The following ST18 variants were observed in gnomAD, a reference collection of about 807,000 sequenced individuals.
ST18 encodes suppression of tumorigenicity 18 protein.
In ST18, 50 loss-of-function variants were observed where a neutral mutation model predicts 110.0. The observed-to-expected ratio is 0.45, with a 90% CI of 0.36 to 0.58. The LOEUF (loss-of-function observed/expected upper bound fraction) is 0.58. Ranked by LOEUF, ST18 falls within the 20% of genes least tolerant of loss-of-function variation. ST18 has a pLI of 0.00. For synonymous variants in ST18, 461 were observed against 452.4 expected, an observed-to-expected ratio of 1.02 and a Z score of -0.24; for missense variants, 1,306 against 1,280.1, an observed-to-expected ratio of 1.02 and a Z score of -0.31.
chr8:52,273,967 C>T (rs73679023), intron 2 of ST18, among the ~76,000 whole-genome samples: 5,939 of 152,224 alleles, frequency 0.039, 411 homozygotes, highest in African/African-American at 0.14. Flanking sequence ...ATGAGTTCAG[C>T]AGTTCTGTAA....
At chr8:52,375,217 G>A (rs998556501) in intron 2 of ST18, among the ~76,000 whole-genome samples, 2 of 151,846 alleles carry the variant, frequency 1.3e-5, no homozygotes, top group African/African-American at 4.8e-5. Flanking sequence ...AAACCAAAAT[G>A]ACAAAACAAA....
At chr8:52,381,489 C>T (rs1590478609) in intron 2 of ST18, among the ~76,000 whole-genome samples, 1 of 152,298 alleles carries the variant, frequency 6.6e-6, no homozygotes, top group East Asian at 1.9e-4. Flanking sequence ...TTCATAACTA[C>T]TTAAAAATAT....
intron 2 of ST18, among the ~76,000 whole-genome samples, chr8:52,269,881 TTC>T (rs1397178017): frequency 3.9e-5 from 6 of 152,210 alleles, no homozygotes; most frequent in Non-Finnish European, 8.8e-5. Flanking sequence ...TGCAGAAACA[TTC>T]TCTCTTTCAA....
intron 19 of ST18, among the ~76,000 whole-genome samples, chr8:52,135,582 A>G (rs1209171925): frequency 1.3e-5 from 2 of 150,830 alleles, no homozygotes; most frequent in Non-Finnish European, 3.0e-5. Flanking sequence ...AAAAAAAAAA[A>G]AAAAAAAAAG....
At position 52,132,329 on chromosome 8, in the gene ST18, G is replaced by A. The variant is rs75042291; in HGVS notation, c.2445-150C>T. On this transcript the variant is annotated intron_variant, in intron 21 of 25. Transcript: ENST00000689386. ...ATTGCATAAACAGGCTCAGAGCTAC[G>A]CGATTTTCATGCATTATCTCACTTA... 4.6e-3 allele frequency: 2,978 copies of A among 640,540 alleles called. 10 individuals are homozygous for A. The highest frequency in any genetic ancestry group is 6.2e-3 in the Non-Finnish European group (2,380 of 382,574). 39.7% of individuals were successfully genotyped at this position (640,540 alleles called of 1,614,324 possible).
At chr8:52,256,891 A>C (rs1229464662) in intron 2 of ST18, among the ~76,000 whole-genome samples, 1 of 152,170 alleles carries the variant, frequency 6.6e-6, no homozygotes, top group Non-Finnish European at 1.5e-5. Flanking sequence ...ATTTTAGAAC[A>C]TTTTCATCAT....
At chr8:52,319,251 C>T (rs1231731446) in intron 2 of ST18, among the ~76,000 whole-genome samples, 1 of 152,076 alleles carries the variant, frequency 6.6e-6, no homozygotes, top group Non-Finnish European at 1.5e-5. Flanking sequence ...AAAGAAAATG[C>T]ATTTGCTTTC....
chr8:52,269,338 C>T (rs111950878), intron 2 of ST18, among the ~76,000 whole-genome samples: 20 of 152,276 alleles, frequency 1.3e-4, no homozygotes, highest in East Asian at 1.9e-4. Context: ...CAGGTGTAAC[C>T]GGATGCCCCA....
Position 52,137,472 on chromosome 8 carries a change from G to C in ST18, c.2180C>G (p.Pro727Arg). Residue 727 changes from proline (P) to arginine (R), a missense_variant, in exon 18 of 26, where the codon CCA becomes CGA. Coordinates refer to ENST00000689386, the MANE Select transcript of ST18 (RefSeq NM_001352837.2). ...LKKELITCPT[P>R]GCDGSGHVTG... ...CACGTGGCCACTTCCATCACATCCTGGTGTTGGACAGCTGAGTCAATAGAA... is the reference window on the plus strand; with the variant it reads ...CACGTGGCCACTTCCATCACATCCTCGTGTTGGACAGCTGAGTCAATAGAA... 1 of 1,614,064 alleles carries C rather than the reference G, an allele frequency of 6.2e-7. No homozygotes were observed. The highest frequency in any genetic ancestry group is 8.5e-7 in the Non-Finnish European group (1 of 1,179,992).
chr8:52,398,922 G>T (rs1319017967), intron 2 of ST18, among the ~76,000 whole-genome samples: 2 of 151,950 alleles, frequency 1.3e-5, no homozygotes, highest in African/African-American at 4.8e-5. Context: ...GTCTTTGTCT[G>T]GCTTAGGTAT....
At chr8:52,384,893 A>G (rs894247288) in intron 2 of ST18, among the ~76,000 whole-genome samples, 5 of 152,150 alleles carry the variant, frequency 3.3e-5, no homozygotes, top group African/African-American at 1.2e-4. Context: ...CTGTGAGCAC[A>G]GTATGGCATC....
intron 16 of ST18, among the ~76,000 whole-genome samples, chr8:52,144,827 C>G (rs2056657500): frequency 6.6e-6 from 1 of 152,068 alleles, no homozygotes; most frequent in African/African-American, 2.4e-5. Context: ...TTAACACTTA[C>G]CTTTCAAAGT....
intron 2 of ST18, among the ~76,000 whole-genome samples, chr8:52,327,788 GT>G (rs1016495591): frequency 2.0e-5 from 3 of 152,164 alleles, no homozygotes; most frequent in African/African-American, 7.2e-5. Flanking sequence ...TCATTATGAA[GT>G]TGAGCCAACA....
At chr8:52,227,037 T>C (rs2089702167) in intron 3 of ST18, among the ~76,000 whole-genome samples, 1 of 152,222 alleles carries the variant, frequency 6.6e-6, no homozygotes, top group African/African-American at 2.4e-5. Flanking sequence ...TTAACTTTAT[T>C]ATCTGATTAT....
intron 2 of ST18, among the ~76,000 whole-genome samples, chr8:52,332,549 T>C (rs6999839): frequency 0.011 from 1,623 of 148,226 alleles, 19 homozygotes; most frequent in African/African-American, 0.04. Context: ...TTTTTTTTTT[T>C]TTTTTTTTTA....
At chr8:52,375,894 C>T (rs1832168076) in intron 2 of ST18, among the ~76,000 whole-genome samples, 1 of 152,192 alleles carries the variant, frequency 6.6e-6, no homozygotes, top group South Asian at 2.1e-4. Flanking sequence ...GAGGCCACTT[C>T]CTCCCGTTAA....
chr8:52,233,157 T>C (rs887923171), intron 2 of ST18, among the ~76,000 whole-genome samples: 1 of 152,220 alleles, frequency 6.6e-6, no homozygotes, highest in Middle Eastern at 3.2e-3. Flanking sequence ...CAGAACACTA[T>C]TATTTAATTA....
intron 22 of ST18, among the ~76,000 whole-genome samples, chr8:52,128,933 T>A (rs2048133626): frequency 6.6e-6 from 1 of 152,184 alleles, no homozygotes; most frequent in East Asian, 1.9e-4. Context: ...TGAATACATG[T>A]CAGCTATTAC....
At chr8:52,122,386 T>C (rs921686285) in intron 23 of ST18, among the ~76,000 whole-genome samples, 87 of 152,278 alleles carry the variant, frequency 5.7e-4, no homozygotes, top group African/African-American at 1.9e-3. Context: ...CTTTAAGTAC[T>C]ATAGTTATGT....
Sources: allele counts gnomAD v4.1 joint callset (sites outside exome capture counted in the v4.1 genomes callset), GRCh38; gene constraint gnomAD v4.1.1; transcripts MANE v1.5; gene names NCBI Gene and HGNC (gene_info 2026-07-23, HGNC 2026-07-21).